The following FER1L6 variants were observed in gnomAD, a reference collection of about 807,000 sequenced individuals.
The protein encoded by FER1L6 is fer-1 like family member 6.
FER1L6 carries 177 observed loss-of-function variants against 219.2 expected under a neutral mutation model. The ratio of observed to expected loss-of-function variants is 0.81; its 90% CI spans 0.71 to 0.91. The LOEUF (loss-of-function observed/expected upper bound fraction) is 0.91. Among genes scored for constraint, FER1L6 ranks in the 40% least tolerant of loss-of-function variants. The probability of loss-of-function intolerance (pLI) is 0.00; values close to 1 mark genes in which losing one functional copy is unlikely to be tolerated. For synonymous variants in FER1L6, 768 were observed against 824.3 expected, an observed-to-expected ratio of 0.93 and a Z score of 1.17; for missense variants, 2,153 against 2,259.9, an observed-to-expected ratio of 0.95 and a Z score of 0.96.
At chr8:123,940,014 G>A (rs1429424384) in intron 1 of FER1L6, among the ~76,000 whole-genome samples, 2 of 152,192 alleles carry the variant, frequency 1.3e-5, no homozygotes, top group South Asian at 2.1e-4. Context: ...ATGGCACTGT[G>A]CTCTTGACCC....
chr8:123,987,968 T>C (rs1310844436), intron 12 of FER1L6, among the ~76,000 whole-genome samples: 1 of 151,986 alleles, frequency 6.6e-6, no homozygotes, highest in African/African-American at 2.4e-5. Context: ...CATGGTGGTG[T>C]GTGCCTGTAA....
At chr8:123,976,154 T>C (rs1816063291) in intron 9 of FER1L6, 70 bp downstream of exon 9, 1 of 1,219,478 alleles carries the variant, frequency 8.2e-7, no homozygotes, top group African/African-American at 1.5e-5. Context: ...ATATGTTTAA[T>C]CAAATCAAAT....
Position 124,076,315 on chromosome 8 carries a change from G to T in FER1L6, c.4210G>T (p.Val1404Leu), listed in dbSNP as rs757403667. The change falls in exon 32 of 41, where the codon GTA becomes TTA. Residue 1404 changes from valine to leucine, a missense_variant. Transcript: ENST00000522917. The part of the protein sequence containing the change: ...DKYIPKQLNP[V>L]FGRSFEIQAT... ...ATACATCCCTAAACAACTGAACCCA[G>T]TATTTGGAAGGTCAGTGGCCATCTG... 5 of 1,613,528 alleles carry T rather than the reference G, an allele frequency of 3.1e-6. No homozygotes were observed. The highest frequency in any genetic ancestry group is 4.2e-6 in the Non-Finnish European group (5 of 1,179,540).
intron 7 of FER1L6, among the ~76,000 whole-genome samples, chr8:123,974,680 A>AAAAAAAAT (rs1362934333): frequency 1.3e-5 from 2 of 148,486 alleles, no homozygotes; most frequent in Non-Finnish European, 3.0e-5. Context: ...AAAAAAAAAA[A>AAAAAAAAT]AAGAAATGTG....
Position 124,093,903 on chromosome 8 carries a change from G to A in FER1L6, c.4553-993G>A, listed in dbSNP as rs536997348. On this transcript the variant is annotated intron_variant, in intron 34 of 40. Transcript: ENST00000522917. ...CAATGTATAATCACGATCACACCCT[G>A]TAAAATGGGGCACTGTGGCCCCTTT... is the stretch of plus-strand genomic sequence containing the variant. Among the ~76,000 whole-genome samples, 5 of 147,636 alleles carry A rather than the reference G, an allele frequency of 3.4e-5. 1 individual carries two copies. In the East Asian group the frequency reaches 7.9e-4, roughly 23 times the overall value.
intron 1 of FER1L6, among the ~76,000 whole-genome samples, chr8:123,872,714 A>T (rs1816946009): frequency 6.6e-6 from 1 of 152,164 alleles, no homozygotes; most frequent in African/African-American, 2.4e-5. Flanking sequence ...CTTATATTTA[A>T]AAAAGCATAC....
chr8:123,901,168 A>G (rs959717362), intron 1 of FER1L6, among the ~76,000 whole-genome samples: 2 of 152,178 alleles, frequency 1.3e-5, no homozygotes, highest in Non-Finnish European at 2.9e-5. Flanking sequence ...GTAAATTACC[A>G]TTTCAATCTC....
chr8:124,046,061 A>G (rs1054104157), intron 21 of FER1L6, 160 bp downstream of exon 21: 15 of 695,748 alleles, frequency 2.2e-5, no homozygotes, highest in African/African-American at 3.6e-5. Context: ...AGTTCACAGA[A>G]CCAAAAAGAT....
intron 19 of FER1L6, among the ~76,000 whole-genome samples, chr8:124,039,533 A>G (rs1819375332): frequency 6.6e-6 from 1 of 152,334 alleles, no homozygotes; most frequent in South Asian, 2.1e-4. Context: ...ATGCTCCGGC[A>G]TGGGTTAATT....
intron 30 of FER1L6, among the ~76,000 whole-genome samples, chr8:124,070,932 G>A (rs1821043082): frequency 6.7e-6 from 1 of 149,284 alleles, no homozygotes; most frequent in Admixed American, 6.6e-5. Flanking sequence ...AACTAATCAA[G>A]CAACACAAGC....
chr8:123,859,552 T>TC (rs1381553805), intron 1 of FER1L6, among the ~76,000 whole-genome samples: 1 of 151,432 alleles, frequency 6.6e-6, no homozygotes, highest in South Asian at 2.1e-4. Context: ...CTGTTTCTTT[T>TC]TTTTTTTTTT....
Position 124,060,714 on chromosome 8 carries a change from G to A in FER1L6, c.3147+5G>A, listed in dbSNP as rs372627682. On this transcript the variant is annotated splice_donor_5th_base_variant and intron_variant, in intron 24 of 40. Transcript: ENST00000522917. ...CAGGCAGACGCTTTCGAAGTGGTGC[G>A]AGCTTCTCACTCTCCCGACCTGGCT... The A allele has an allele frequency of 7.4e-6, 12 of 1,612,364 alleles. No individual in the cohort carries two copies. In the Admixed American group the frequency reaches 1.0e-4, roughly 13 times the overall value.
intron 12 of FER1L6, 32 bp downstream of exon 12, chr8:123,986,208 T>C (rs753196684): frequency 6.3e-6 from 8 of 1,270,790 alleles, no homozygotes; most frequent in African/African-American, 1.5e-5. Context: ...GCCAGGCACA[T>C]AGCATGGATT....
intron 13 of FER1L6, among the ~76,000 whole-genome samples, chr8:124,005,202 T>C (rs188366472): frequency 1.3e-4 from 20 of 152,322 alleles, no homozygotes; most frequent in East Asian, 1.2e-3. Flanking sequence ...GTTTGAATCT[T>C]ATTCAAGACC....
intron 25 of FER1L6, among the ~76,000 whole-genome samples, chr8:124,062,333 GA>G (rs1176246550): frequency 6.6e-6 from 1 of 152,082 alleles, no homozygotes; most frequent in Non-Finnish European, 1.5e-5. Context: ...TTCAATTTTG[GA>G]TCTCAGGTGC....
intron 1 of FER1L6, among the ~76,000 whole-genome samples, chr8:123,887,350 C>T (rs566781970): frequency 7.2e-5 from 11 of 152,258 alleles, no homozygotes; most frequent in South Asian, 2.1e-4. Flanking sequence ...GATTGGGAAC[C>T]GATTTGGTTC....
intron 26 of FER1L6, among the ~76,000 whole-genome samples, chr8:124,065,737 T>G (rs1480951712): frequency 6.6e-6 from 1 of 152,240 alleles, no homozygotes; most frequent in Non-Finnish European, 1.5e-5. Context: ...GCCTGGGTCA[T>G]AGTACAACTT....
intron 37 of FER1L6, among the ~76,000 whole-genome samples, chr8:124,099,955 A>C (rs1192575297): frequency 2.6e-5 from 4 of 152,048 alleles, no homozygotes; most frequent in Non-Finnish European, 4.4e-5. Context: ...TTCCCCTATG[A>C]CTATGACTCC....
chr8:123,939,269 A>C (rs1182036722), intron 1 of FER1L6: 1 of 861,290 alleles, frequency 1.2e-6, no homozygotes, highest in Non-Finnish European at 1.4e-6. Context: ...TTTTTGATAA[A>C]TTTTATTACA....
Sources: gnomAD v4.1 joint callset for allele counts (sites outside exome capture counted in the v4.1 genomes callset) on GRCh38, gnomAD v4.1.1 for gene constraint, MANE v1.5 for transcripts, NCBI Gene and HGNC (gene_info 2026-07-23, HGNC 2026-07-21) for gene names.